Variants in SPTBN1 observed in about 807,000 individuals in gnomAD.
SPTBN1 encodes the protein spectrin beta chain, non-erythrocytic 1.
A neutral mutation model predicts 266.4 loss-of-function variants in SPTBN1; 32 were observed. That is an observed-to-expected ratio of 0.12 (90% CI 0.09 to 0.16). The LOEUF is 0.16. SPTBN1 is among the 10% of genes least tolerant of loss of function. The pLI is 1.00. For synonymous variants in SPTBN1, 1,336 were observed against 1,162.2 expected (o/e 1.15, Z -3.04); for missense variants, 2,296 against 3,067.1 (o/e 0.75, Z 5.94).
At chr2:54,667,779 C>G in intron 35 of SPTBN1, 133 bp downstream of exon 35, 1 of 775,890 alleles carries the variant, frequency 1.3e-6, no homozygotes, top group Non-Finnish European at 2.2e-6. Context: ...CTCCAGTCAC[C>G]AGCACTAGAA....
At chr2:54,481,271 C>T (rs10171331) in intron 1 of SPTBN1, among the ~76,000 whole-genome samples, 39,758 of 151,920 alleles carry the variant, frequency 0.26, 5,906 homozygotes, top group East Asian at 0.38. Flanking sequence ...AGCAGTGCTG[C>T]CCAGAAAGTG....
intron 2 of SPTBN1, among the ~76,000 whole-genome samples, chr2:54,582,083 C>T (rs946405834): frequency 2.0e-5 from 3 of 152,150 alleles, no homozygotes; most frequent in East Asian, 1.9e-4. Context: ...GTAACTTGAA[C>T]TTGCTCAAAG....
intron 2 of SPTBN1, among the ~76,000 whole-genome samples, chr2:54,588,396 G>A (rs1280048951): frequency 6.6e-6 from 1 of 152,072 alleles, no homozygotes; most frequent in Non-Finnish European, 1.5e-5. Context: ...GTTTTCCTCA[G>A]GCAGTGTGGG....
At chr2:54,654,447 G>A (rs940182525) in intron 27 of SPTBN1, among the ~76,000 whole-genome samples, 3 of 152,120 alleles carry the variant, frequency 2.0e-5, no homozygotes, top group Non-Finnish European at 4.4e-5. Flanking sequence ...TCACCCCTCT[G>A]CCAGCTCCAG....
chr2:54,611,747 G>A (rs562839728), intron 3 of SPTBN1, among the ~76,000 whole-genome samples: 1 of 152,230 alleles, frequency 6.6e-6, no homozygotes, highest in Non-Finnish European at 1.5e-5. Context: ...CTTAAGGGTT[G>A]CCAGCAGGTG....
intron 1 of SPTBN1, among the ~76,000 whole-genome samples, chr2:54,484,504 C>G (rs1668253724): frequency 6.6e-6 from 1 of 152,144 alleles, no homozygotes; most frequent in Non-Finnish European, 1.5e-5. Context: ...GAAATGTTAA[C>G]TTCTCCTAAG....
chr2:54,515,498 T>C lies in SPTBN1; in HGVS notation c.-47-10874T>C, dbSNP rs939834404. On this transcript the variant is annotated intron_variant, in intron 1 of 35. Transcript: ENST00000356805. ...TGTTTTTCATCATTTTTTTCATTAT[T>C]CCCATCCCTTATCAGGAATTTTTTA... Among the ~76,000 whole-genome samples, 4 of 152,246 alleles carry C rather than the reference T, an allele frequency of 2.6e-5. No individual in the cohort carries two copies. The South Asian group carries it at 8.3e-4, about 32-fold the overall frequency.
At chr2:54,506,512 TGAGTA>T (rs1341790303) in intron 1 of SPTBN1, among the ~76,000 whole-genome samples, 1 of 152,154 alleles carries the variant, frequency 6.6e-6, no homozygotes, top group Non-Finnish European at 1.5e-5. Flanking sequence ...CTTGATGAAC[TGAGTA>T]ATTTTTTCTT....
At chr2:54,519,387 ACT>A (rs1670292799) in intron 1 of SPTBN1, among the ~76,000 whole-genome samples, 1 of 152,212 alleles carries the variant, frequency 6.6e-6, no homozygotes, top group Admixed American at 6.5e-5. Context: ...GCATGTGGGC[ACT>A]GTCTAAGGTT....
Position 54,479,605 on chromosome 2 carries a change from C to G in SPTBN1, c.-48+23087C>G, listed in dbSNP as rs181775884. On this transcript the variant is annotated intron_variant, in intron 1 of 35. Coordinates refer to ENST00000356805, the MANE Select transcript of SPTBN1 (RefSeq NM_003128.3). ...TCTGAGGCAAACCAGATAACATGGT[C>G]ACTCTAGTCTTAACGAAGTTACCTA... Among the ~76,000 whole-genome samples the G allele has an allele frequency of 5.1e-4, 77 of 152,290 alleles. 1 individual carries two copies. In the East Asian group the frequency reaches 6.8e-3, roughly 13 times the overall value.
In SPTBN1 at chr2:54,631,290, C is replaced by T; in HGVS notation, c.3243C>T (p.Thr1081=). Residue 1081 remains threonine, a synonymous_variant, in exon 16 of 36, where the codon ACC becomes ACT. Coordinates refer to ENST00000356805, the MANE Select transcript of SPTBN1 (RefSeq NM_003128.3). The stretch of plus-strand genomic sequence containing the variant: ...ACTTCCAGTCCTGGCTCTCTAGGAC[C>T]CAGACAGCGATCGCCTCGGAGGACA... ...LDDFQSWLSR[T]QTAIASEDMP... is the part of the protein sequence containing the mutation. 1 of 1,614,200 alleles carries T rather than the reference C, an allele frequency of 6.2e-7. No homozygotes were observed. Among genetic ancestry groups the T allele is most frequent in the Non-Finnish European group, 8.5e-7 (1 of 1,180,024 alleles).
At chr2:54,635,876 A>G (rs1679086974) in intron 17 of SPTBN1, among the ~76,000 whole-genome samples, 1 of 152,232 alleles carries the variant, frequency 6.6e-6, no homozygotes, top group Non-Finnish European at 1.5e-5. Flanking sequence ...TCCTTTTGAC[A>G]TTCCTAACCC....
intron 1 of SPTBN1, among the ~76,000 whole-genome samples, chr2:54,504,281 TA>T (rs1462519950): frequency 3.3e-5 from 5 of 152,234 alleles, no homozygotes; most frequent in Non-Finnish European, 7.3e-5. Context: ...CTTTCTTAAA[TA>T]AAAACCTTTT....
intron 1 of SPTBN1, among the ~76,000 whole-genome samples, chr2:54,467,774 A>T (rs560179321): frequency 7.1e-4 from 107 of 151,384 alleles, no homozygotes; most frequent in East Asian, 4.3e-3. Context: ...TTTTTTTTTT[A>T]AATTTCTGCT....
At position 54,659,137 on chromosome 2, in the gene SPTBN1, A is replaced by C. The variant is rs12053304; in HGVS notation, c.6244-17A>C. ...AGAGTTTGGGACTCTACCAAACATCACTCTATTTTCTCTTAGTTGGAGTTA... is the reference window on the plus strand; with the variant it reads ...AGAGTTTGGGACTCTACCAAACATCCCTCTATTTTCTCTTAGTTGGAGTTA... On this transcript the variant is annotated splice_polypyrimidine_tract_variant and intron_variant, in intron 30 of 35. Transcript: ENST00000356805. 5 of 1,613,152 alleles carry C rather than the reference A, an allele frequency of 3.1e-6. No homozygotes were observed. The East Asian group carries it at 6.7e-5, about 22-fold the overall frequency.
rs143056413 is a variant in SPTBN1 at position 54,518,642 on chromosome 2, A to T, written c.-47-7730A>T. 4.4e-3 allele frequency among the ~76,000 whole-genome samples: 665 copies of T among 152,286 alleles called. 6 individuals carry two copies. Among genetic ancestry groups the T allele is most frequent in the African/African-American group, 0.015 (636 of 41,536 alleles). On this transcript the variant is annotated intron_variant, in intron 1 of 35. Transcript: ENST00000356805. ...ACACTTTTTCAAGTCTTTTATGAAT[A>T]AAGTGGGAGTGTTTTAAGTGTTTGC... is the stretch of plus-strand genomic sequence containing the variant.
At chr2:54,526,754 C>A in intron 2 of SPTBN1, 188 bp downstream of exon 2, 1 of 567,052 alleles carries the variant, frequency 1.8e-6, no homozygotes, top group Non-Finnish European at 2.8e-6. Flanking sequence ...GCTGTCAACT[C>A]TAATGGCCAA....
chr2:54,648,863 G>A (rs936237242), intron 24 of SPTBN1, 123 bp from the exon 25 acceptor site: 2 of 970,970 alleles, frequency 2.1e-6, no homozygotes, highest in Non-Finnish European at 3.0e-6. Context: ...GGGTTAACCA[G>A]AGTTTCCTTT....
chr2:54,574,070 T>C (rs1674286418), intron 2 of SPTBN1, among the ~76,000 whole-genome samples: 2 of 152,178 alleles, frequency 1.3e-5, no homozygotes, highest in Admixed American at 1.3e-4. Flanking sequence ...GGGTTGTCTT[T>C]GTTCTCAGGT....
Sources: gnomAD v4.1 joint callset for allele counts (sites outside exome capture counted in the v4.1 genomes callset) on GRCh38, gnomAD v4.1.1 for gene constraint, MANE v1.5 for transcripts, NCBI Gene and HGNC (gene_info 2026-07-23, HGNC 2026-07-21) for gene names.